The following PCM1 variants were observed in gnomAD, a reference collection of about 807,000 sequenced individuals.
The protein encoded by PCM1 is pericentriolar material 1.
Under a neutral mutation model 241.9 loss-of-function variants are expected in PCM1, and 157 were observed. That is an observed-to-expected ratio of 0.65 (90% CI 0.57 to 0.74). The LOEUF (loss-of-function observed/expected upper bound fraction) is 0.74, where lower values mean the gene tolerates loss of function less well. Among genes scored for constraint, PCM1 ranks in the 30% least tolerant of loss-of-function variants. The pLI, the probability that PCM1 is intolerant of heterozygous loss-of-function variation, is 0.00. For synonymous variants in PCM1, 1,085 were observed against 784.9 expected (o/e 1.38, Z -6.39); for missense variants, 3,478 against 2,360.1 (o/e 1.47, Z -9.81).
At chr8:18,014,208 A>G (rs560942286) in intron 35 of PCM1, among the ~76,000 whole-genome samples, 172 bp downstream of exon 35, 2 of 152,226 alleles carry the variant, frequency 1.3e-5, no homozygotes, top group South Asian at 4.1e-4. Flanking sequence ...AAACATAAGA[A>G]TTTGTTTCTA....
At chr8:17,960,527 G>GTTTTTTT in intron 15 of PCM1, 83 bp downstream of exon 15, 18 of 412,954 alleles carry the variant, frequency 4.4e-5, no homozygotes, top group Admixed American at 1.0e-4. Flanking sequence ...TTTTGTTTTT[G>GTTTTTTT]TTTTTCTTTT....
At position 17,956,746 on chromosome 8, in the gene PCM1, C is replaced by G; in HGVS notation, c.1615C>G (p.His539Asp). The G allele has an allele frequency of 6.2e-7, 1 of 1,607,882 alleles. No individual in the cohort carries two copies. The highest frequency in any genetic ancestry group is 8.5e-7 in the Non-Finnish European group (1 of 1,176,562). The change falls in exon 11 of 39, where the codon CAT becomes GAT. Residue 539 changes from histidine to aspartate, a missense_variant. Coordinates refer to ENST00000325083, the MANE Select transcript of PCM1 (RefSeq NM_006197.4). ...ETEESEYDSE[H>D]ENSEPVTNIR... ...TGAAGAGTCAGAATATGATTCTGAG[C>G]ATGAAAATTCCGAGCCTGTTACTAA...
In PCM1 at chr8:17,964,566, A is replaced by AG; in HGVS notation, c.2655-1dup. On this transcript the variant is annotated splice_acceptor_variant, in intron 17 of 38. Transcript: ENST00000325083. LOFTEE classifies it high-confidence loss of function. ...ATCTGTTTTATGTCTCTTAATCACT[A>AG]GAACGATGGCAACTTGGGGAGGGTC... 6.2e-7 allele frequency: 1 copy of AG among 1,611,640 alleles called. No homozygotes were observed. Among genetic ancestry groups the AG allele is most frequent in the South Asian group, 1.1e-5 (1 of 90,892 alleles).
chr8:17,983,204 T>A (rs1564154547), intron 24 of PCM1: 3 of 1,258,362 alleles, frequency 2.4e-6, no homozygotes, highest in Non-Finnish European at 3.1e-6. Flanking sequence ...ACATTTTATG[T>A]TCATCCTTAT....
intron 30 of PCM1, among the ~76,000 whole-genome samples, chr8:18,007,535 T>C (rs1290175042): frequency 6.6e-5 from 10 of 152,216 alleles, no homozygotes; most frequent in Admixed American, 6.5e-4. Context: ...TTCCTCAGTT[T>C]TGCCTTCTAT....
At chr8:18,021,085 G>A (rs1195404701) in intron 36 of PCM1, among the ~76,000 whole-genome samples, 1 of 152,144 alleles carries the variant, frequency 6.6e-6, no homozygotes, top group Non-Finnish European at 1.5e-5. Context: ...AAATCACTCA[G>A]GATAATTTGT....
chr8:17,939,077 A>G (rs1175148871), intron 5 of PCM1, 68 bp downstream of exon 5: 11 of 1,522,522 alleles, frequency 7.2e-6, no homozygotes, highest in Middle Eastern at 1.7e-4. Flanking sequence ...AAGGTTTAGA[A>G]AATTAGGTTA....
intron 15 of PCM1, 84 bp downstream of exon 15, chr8:17,960,528 T>TTTTTGTTTTTG: frequency 2.4e-6 from 2 of 832,560 alleles, no homozygotes; most frequent in East Asian, 2.9e-5. Context: ...TTTGTTTTTG[T>TTTTTGTTTTTG]TTTTCTTTTT....
intron 24 of PCM1, among the ~76,000 whole-genome samples, chr8:17,981,334 T>A (rs1321792376): frequency 6.6e-6 from 1 of 152,232 alleles, no homozygotes. Context: ...TAATACAATT[T>A]TAATTCTGAA....
chr8:18,021,057 A>G (rs568428409), intron 36 of PCM1, among the ~76,000 whole-genome samples: 1 of 152,330 alleles, frequency 6.6e-6, no homozygotes, highest in East Asian at 1.9e-4. Flanking sequence ...AATGAACTCC[A>G]CAGAATTGAC....
intron 29 of PCM1, among the ~76,000 whole-genome samples, chr8:17,994,595 A>T (rs2085924361): frequency 6.6e-6 from 1 of 152,104 alleles, no homozygotes; most frequent in Admixed American, 6.6e-5. Flanking sequence ...CTGTATTTTC[A>T]GTTTTTTGAG....
chr8:17,935,650 G>T lies in PCM1; in HGVS notation c.40G>T (p.Asp14Tyr). ...GGGPFEDGMN[D>Y]QDLPNWSNEN... is the part of the protein sequence containing the mutation. ...AGGTCCCTTTGAAGATGGCATGAAT[G>T]ATCAGGATTTACCAAACTGGAGTAA... Residue 14 changes from aspartate (D) to tyrosine (Y), a missense_variant, in exon 3 of 39, where the codon GAT (aspartate) becomes TAT (tyrosine). Transcript: ENST00000325083. The T allele has an allele frequency of 6.4e-7, 1 of 1,569,264 alleles. No homozygotes were observed. The highest frequency in any genetic ancestry group is 8.8e-7 in the Non-Finnish European group (1 of 1,139,490).
At chr8:17,951,995 G>A (rs1490972775) in intron 8 of PCM1, among the ~76,000 whole-genome samples, 1 of 152,108 alleles carries the variant, frequency 6.6e-6, no homozygotes, top group Non-Finnish European at 1.5e-5. Context: ...GGCCGAGGCG[G>A]GTGGATCACT....
At chr8:17,967,418 C>T (rs1037375901) in intron 21 of PCM1, among the ~76,000 whole-genome samples, 2 of 151,986 alleles carry the variant, frequency 1.3e-5, no homozygotes, top group African/African-American at 4.8e-5. Flanking sequence ...AAGGGATTCT[C>T]CTGCCTCAGC....
At chr8:18,002,080 T>TTA (rs1284128508) in intron 29 of PCM1, among the ~76,000 whole-genome samples, 1 of 97,302 alleles carries the variant, frequency 1.0e-5, no homozygotes, top group East Asian at 2.3e-4. Flanking sequence ...TTTTTTTTCT[T>TTA]TTTTTTATTA....
At position 18,027,729 on chromosome 8, in the gene PCM1, A is replaced by G; in HGVS notation, c.*67A>G. ...AATGCATATATGAAAACAATACTAA[A>G]TAAACATCTGATCTGTATAAAAATG... On this transcript the variant is annotated 3_prime_UTR_variant, in exon 39 of 39. Coordinates refer to ENST00000325083, the MANE Select transcript of PCM1 (RefSeq NM_006197.4). 8.9e-7 allele frequency: 1 copy of G among 1,129,230 alleles called. No homozygotes were observed. 70.0% of individuals were successfully genotyped at this position (1,129,230 alleles called of 1,614,324 possible).
At chr8:17,942,178 G>C (rs374326313) in intron 6 of PCM1, among the ~76,000 whole-genome samples, 2 of 152,060 alleles carry the variant, frequency 1.3e-5, no homozygotes, top group East Asian at 1.9e-4. Context: ...TCTGATATTT[G>C]TGTTTATTAA....
chr8:17,989,000 A>G (rs1026793682), intron 26 of PCM1, among the ~76,000 whole-genome samples: 2 of 152,046 alleles, frequency 1.3e-5, no homozygotes, highest in South Asian at 2.1e-4. Context: ...ACACTTGCAC[A>G]TTAATGTTCA....
intron 30 of PCM1, among the ~76,000 whole-genome samples, chr8:18,008,110 C>G (rs1032450123): frequency 6.6e-6 from 1 of 152,132 alleles, no homozygotes; most frequent in African/African-American, 2.4e-5. Context: ...TCATTTATAT[C>G]AGGGGTCCCC....
Sources: gnomAD v4.1 joint callset for allele counts (sites outside exome capture counted in the v4.1 genomes callset) on GRCh38, gnomAD v4.1.1 for gene constraint, MANE v1.5 for transcripts, NCBI Gene and HGNC (gene_info 2026-07-23, HGNC 2026-07-21) for gene names.